The following ATP8A2 variants were observed in gnomAD, a reference collection of about 807,000 sequenced individuals.
ATP8A2 encodes the protein phospholipid-transporting ATPase IB.
ATP8A2 carries 100 observed loss-of-function variants against 165.6 expected under a neutral mutation model. The observed-to-expected ratio is 0.60, with a 90% confidence interval of 0.51 to 0.71. The LOEUF (loss-of-function observed/expected upper bound fraction) is 0.71, where lower values mean the gene tolerates loss of function less well. ATP8A2 is among the 30% of genes least tolerant of loss of function. ATP8A2 has a pLI of 0.00. For synonymous variants in ATP8A2, 543 were observed against 548.8 expected, an observed-to-expected ratio of 0.99 and a Z score of 0.15; for missense variants, 1,227 against 1,479.5, an observed-to-expected ratio of 0.83 and a Z score of 2.80.
chr13:25,557,858 A>G (rs796917320), intron 13 of ATP8A2, among the ~76,000 whole-genome samples: 2 of 152,302 alleles, frequency 1.3e-5, no homozygotes, highest in East Asian at 3.9e-4. Flanking sequence ...TTAGTAGGCA[A>G]AGTGATAGCA....
intron 12 of ATP8A2, among the ~76,000 whole-genome samples, chr13:25,554,537 G>A (rs111627093): frequency 0.18 from 25,863 of 147,668 alleles, 2,509 homozygotes; most frequent in Non-Finnish European, 0.24. Flanking sequence ...GTATGTGTGT[G>A]TGTGTGTGTG....
At chr13:25,699,927 T>C (rs1004277686) in intron 25 of ATP8A2, among the ~76,000 whole-genome samples, 1 of 151,850 alleles carries the variant, frequency 6.6e-6, no homozygotes, top group African/African-American at 2.4e-5. Flanking sequence ...TGATAGAAAT[T>C]TGAAAGTCAG....
At chr13:25,543,446 C>T (rs762075962) in intron 10 of ATP8A2, 44 bp downstream of exon 10, 28 of 1,262,348 alleles carry the variant, frequency 2.2e-5, no homozygotes, top group Non-Finnish European at 3.1e-5. Context: ...TTTCTTTCTG[C>T]TTTTATTGAC....
chr13:25,835,556 G>A (rs137958744), intron 28 of ATP8A2, among the ~76,000 whole-genome samples: 14 of 152,140 alleles, frequency 9.2e-5, no homozygotes, highest in African/African-American at 2.4e-4. Flanking sequence ...TGGGTTTGTG[G>A]GTGGGGATTT....
intron 24 of ATP8A2, among the ~76,000 whole-genome samples, chr13:25,667,310 A>G (rs1371978395): frequency 6.6e-6 from 1 of 152,040 alleles, no homozygotes; most frequent in East Asian, 1.9e-4. Context: ...GCATGGCAGT[A>G]TTGGGAAGTG....
intron 33 of ATP8A2, among the ~76,000 whole-genome samples, chr13:25,869,068 CAAAAAAAAAAAAAA>C (rs60945309): frequency 1.4e-5 from 1 of 72,352 alleles, no homozygotes; most frequent in South Asian, 6.1e-4. Flanking sequence ...GACTCCGTCT[CAAAAAAAAAAAAAA>C]AAAAAAAAAA....
At chr13:25,587,720 C>A (rs1296095454) in intron 23 of ATP8A2, among the ~76,000 whole-genome samples, 3 of 152,134 alleles carry the variant, frequency 2.0e-5, no homozygotes, top group African/African-American at 7.2e-5. Context: ...GTTGCAATAT[C>A]CCTCTTTGCA....
intron 2 of ATP8A2, among the ~76,000 whole-genome samples, chr13:25,494,864 G>T (rs2036627540): frequency 6.6e-6 from 1 of 152,154 alleles, no homozygotes; most frequent in Non-Finnish European, 1.5e-5. Context: ...ACAGACCTAG[G>T]GGTCCAGCCC....
intron 27 of ATP8A2, among the ~76,000 whole-genome samples, chr13:25,800,477 CT>C (rs1298231988): frequency 6.6e-6 from 1 of 152,166 alleles, no homozygotes; most frequent in African/African-American, 2.4e-5. Context: ...AAATAAGCCT[CT>C]TTCCCGTGAT....
intron 33 of ATP8A2, among the ~76,000 whole-genome samples, chr13:25,880,521 C>G (rs1465268104): frequency 6.6e-6 from 1 of 152,150 alleles, no homozygotes; most frequent in South Asian, 2.1e-4. Flanking sequence ...TCCTGACAGG[C>G]CTCAGGGGTA....
chr13:25,709,870 A>G (rs963785530), intron 25 of ATP8A2, among the ~76,000 whole-genome samples: 1 of 152,230 alleles, frequency 6.6e-6, no homozygotes, highest in African/African-American at 2.4e-5. Context: ...GCTGATACCA[A>G]CATTTCTTGA....
chr13:25,382,195 C>G (rs1446843360), intron 1 of ATP8A2, among the ~76,000 whole-genome samples: 1 of 152,194 alleles, frequency 6.6e-6, no homozygotes, highest in Non-Finnish European at 1.5e-5. Context: ...AGCATGAAGC[C>G]TTTTCAGATT....
intron 1 of ATP8A2, among the ~76,000 whole-genome samples, chr13:25,446,938 G>A (rs776239795): frequency 6.6e-6 from 1 of 151,988 alleles, no homozygotes; most frequent in African/African-American, 2.4e-5. Flanking sequence ...TCACTGCACC[G>A]TTGACCTCCC....
At chr13:25,654,331 G>C (rs918421947) in intron 24 of ATP8A2, among the ~76,000 whole-genome samples, 2 of 152,036 alleles carry the variant, frequency 1.3e-5, no homozygotes, top group African/African-American at 4.8e-5. Context: ...TCAGCCTCCC[G>C]AGTGGCTGGG....
intron 35 of ATP8A2, among the ~76,000 whole-genome samples, chr13:25,996,753 A>T (rs1415837004): frequency 6.6e-6 from 1 of 152,094 alleles, no homozygotes; most frequent in Non-Finnish European, 1.5e-5. Flanking sequence ...GCACAATCTC[A>T]GCTCACCGCA....
At chr13:25,870,821 C>A (rs1165817379) in intron 33 of ATP8A2, among the ~76,000 whole-genome samples, 1 of 152,146 alleles carries the variant, frequency 6.6e-6, no homozygotes, top group Non-Finnish European at 1.5e-5. Flanking sequence ...ACTTACCCCG[C>A]AATGCAATAG....
chr13:25,530,906 C>T (rs1280277310), intron 4 of ATP8A2, among the ~76,000 whole-genome samples: 1 of 151,972 alleles, frequency 6.6e-6, no homozygotes, highest in African/African-American at 2.4e-5. Flanking sequence ...TGATTTTTAT[C>T]ACTGATGTTC....
chr13:25,599,950 G>A (rs2040339307), intron 24 of ATP8A2, among the ~76,000 whole-genome samples: 1 of 152,118 alleles, frequency 6.6e-6, no homozygotes, highest in Non-Finnish European at 1.5e-5. Context: ...CCAACTATAG[G>A]AACAGTCAGA....
intron 24 of ATP8A2, among the ~76,000 whole-genome samples, chr13:25,661,145 T>G (rs1470692093): frequency 6.6e-6 from 1 of 152,182 alleles, no homozygotes; most frequent in East Asian, 1.9e-4. Flanking sequence ...GAATGCAGGT[T>G]CCTTGAAGCT....
Sources: gnomAD v4.1 joint callset for allele counts (sites outside exome capture counted in the v4.1 genomes callset) on GRCh38, gnomAD v4.1.1 for gene constraint, MANE v1.5 for transcripts, NCBI Gene and HGNC (gene_info 2026-07-23, HGNC 2026-07-21) for gene names.